The following CSMD1 variants were observed in gnomAD, a reference collection of about 807,000 sequenced individuals.
CSMD1 encodes CUB and sushi domain-containing protein 1.
In CSMD1, 213 loss-of-function variants were observed where a neutral mutation model predicts 417.5. The observed-to-expected ratio is 0.51, with a 90% CI of 0.46 to 0.57. The LOEUF (loss-of-function observed/expected upper bound fraction) is 0.57, where lower values mean the gene tolerates loss of function less well. CSMD1 is among the 20% of genes least tolerant of loss of function. The pLI, the probability that CSMD1 is intolerant of heterozygous loss-of-function variation, is 0.00. For missense variants in CSMD1, 6,923 were observed against 4,529.7 expected (o/e 1.53, Z -15.17); for synonymous variants, 2,862 against 1,736.8 (o/e 1.65, Z -16.11).
chr8:4,597,138 A>C (rs952669786), intron 2 of CSMD1, among the ~76,000 whole-genome samples: 2 of 152,096 alleles, frequency 1.3e-5, no homozygotes, highest in Non-Finnish European at 1.5e-5. Context: ...TTTGCAGCTA[A>C]CAAAAGCAGT....
chr8:3,548,437 C>G (rs1206771973), intron 10 of CSMD1, among the ~76,000 whole-genome samples: 1 of 151,966 alleles, frequency 6.6e-6, no homozygotes, highest in East Asian at 1.9e-4. Flanking sequence ...TCTTGTATCC[C>G]TCAACCACTT....
chr8:4,233,550 ACTGT>A (rs527319109), intron 3 of CSMD1, among the ~76,000 whole-genome samples: 3 of 152,124 alleles, frequency 2.0e-5, no homozygotes, highest in Non-Finnish European at 2.9e-5. Flanking sequence ...CACACCTTCC[ACTGT>A]CTGAGGACAC....
intron 3 of CSMD1, among the ~76,000 whole-genome samples, chr8:4,201,503 C>T (rs1253645259): frequency 1.6e-5 from 2 of 128,288 alleles, no homozygotes; most frequent in Non-Finnish European, 3.1e-5. Context: ...GCGCCACTGC[C>T]GTCCGGCCTA....
chr8:4,947,893 G>C (rs953198901), intron 1 of CSMD1, among the ~76,000 whole-genome samples: 2 of 151,928 alleles, frequency 1.3e-5, no homozygotes, highest in African/African-American at 4.8e-5. Flanking sequence ...CAAGGTGTGC[G>C]TCCATTCTCC....
At chr8:3,657,683 CA>C (rs1274487164) in intron 7 of CSMD1, among the ~76,000 whole-genome samples, 2 of 152,132 alleles carry the variant, frequency 1.3e-5, no homozygotes, top group East Asian at 3.9e-4. Flanking sequence ...CATCACACAC[CA>C]GGGCCTGTCA....
intron 6 of CSMD1, among the ~76,000 whole-genome samples, chr8:3,750,844 C>T (rs1369032526): frequency 1.3e-5 from 2 of 152,176 alleles, no homozygotes; most frequent in East Asian, 1.9e-4. Context: ...GAATCAGCAA[C>T]AGCAACCATA....
chr8:2,940,556 C>T (rs768368773), intron 69 of CSMD1, among the ~76,000 whole-genome samples: 8 of 152,142 alleles, frequency 5.3e-5, no homozygotes, highest in Admixed American at 2.0e-4. Flanking sequence ...TCCAAGGCAC[C>T]GCCTTCACGG....
intron 2 of CSMD1, among the ~76,000 whole-genome samples, chr8:4,604,229 T>A (rs1327960766): frequency 6.6e-5 from 10 of 152,064 alleles, no homozygotes; most frequent in Admixed American, 6.6e-4. Context: ...CTTTTAACTT[T>A]GATTGACTAC....
intron 1 of CSMD1, among the ~76,000 whole-genome samples, chr8:4,691,977 CCT>C (rs1310181390): frequency 6.6e-6 from 1 of 152,172 alleles, no homozygotes; most frequent in Non-Finnish European, 1.5e-5. Context: ...TATGAGCTCT[CCT>C]CTGTCTCAAT....
chr8:4,915,751 T>A (rs1014693385), intron 1 of CSMD1, among the ~76,000 whole-genome samples: 1 of 152,228 alleles, frequency 6.6e-6, no homozygotes, highest in Non-Finnish European at 1.5e-5. Context: ...CCATTTGGAT[T>A]TTCCTGGCGG....
chr8:4,741,465 G>A (rs1439655754), intron 1 of CSMD1, among the ~76,000 whole-genome samples: 3 of 152,120 alleles, frequency 2.0e-5, no homozygotes, highest in African/African-American at 7.2e-5. Context: ...TAATATTTAT[G>A]TCTTTCATAA....
intron 6 of CSMD1, among the ~76,000 whole-genome samples, chr8:3,725,573 T>A (rs987517382): frequency 6.6e-6 from 1 of 151,840 alleles, no homozygotes; most frequent in Non-Finnish European, 1.5e-5. Flanking sequence ...GTAGAAACAG[T>A]TGAGGAGAGA....
At chr8:4,979,278 C>T (rs1472988308) in intron 1 of CSMD1, among the ~76,000 whole-genome samples, 9 of 152,042 alleles carry the variant, frequency 5.9e-5, no homozygotes, top group South Asian at 2.1e-4. Flanking sequence ...AAGAGCCATG[C>T]GTGGTTCTAT....
intron 10 of CSMD1, among the ~76,000 whole-genome samples, chr8:3,499,615 G>T (rs938654538): frequency 6.6e-6 from 1 of 152,006 alleles, no homozygotes; most frequent in Non-Finnish European, 1.5e-5. Context: ...TCAGCTCTCA[G>T]GGTCTTGGGA....
chr8:3,713,852 T>C (rs1801667449), intron 6 of CSMD1, among the ~76,000 whole-genome samples: 1 of 152,194 alleles, frequency 6.6e-6, no homozygotes, highest in Non-Finnish European at 1.5e-5. Flanking sequence ...GTGAAAAATA[T>C]AAATCTTGTG....
intron 3 of CSMD1, among the ~76,000 whole-genome samples, chr8:4,263,721 A>G (rs1276079180): frequency 6.6e-6 from 1 of 152,202 alleles, no homozygotes; most frequent in Non-Finnish European, 1.5e-5. Context: ...GGCAACAATA[A>G]TAAAATGCTG....
intron 3 of CSMD1, among the ~76,000 whole-genome samples, chr8:4,292,556 C>T (rs779912516): frequency 6.6e-6 from 1 of 152,058 alleles, no homozygotes; most frequent in African/African-American, 2.4e-5. Flanking sequence ...CGTGCCCGCC[C>T]GAATTTTTTA....
chr8:4,127,848 T>G (rs1334795741), intron 3 of CSMD1, among the ~76,000 whole-genome samples: 1 of 152,170 alleles, frequency 6.6e-6, no homozygotes. Context: ...TGTTACTGTT[T>G]TGCAGATGAA....
At chr8:4,108,593 C>T (rs1038649934) in intron 3 of CSMD1, among the ~76,000 whole-genome samples, 1 of 152,192 alleles carries the variant, frequency 6.6e-6, no homozygotes, top group Non-Finnish European at 1.5e-5. Context: ...GATTTCCACA[C>T]GGCAACAGCA....
Sources: allele counts gnomAD v4.1 joint callset (sites outside exome capture counted in the v4.1 genomes callset), GRCh38; gene constraint gnomAD v4.1.1; transcripts MANE v1.5; gene names NCBI Gene and HGNC (gene_info 2026-07-23, HGNC 2026-07-21).